ELMO1: variants seen among roughly 807,000 people sequenced by gnomAD.
ELMO1 encodes the protein engulfment and cell motility 1.
In ELMO1, 26 loss-of-function variants were observed where a neutral mutation model predicts 98.9. That is an observed-to-expected ratio of 0.26 (90% CI 0.19 to 0.36). ELMO1 has a LOEUF of 0.36. ELMO1 is among the 10% of genes least tolerant of loss of function. The pLI, the probability that ELMO1 is intolerant of heterozygous loss-of-function variation, is 1.00. For missense variants in ELMO1, 627 were observed against 935.2 expected (o/e 0.67, Z 4.30); for synonymous variants, 346 against 346.0 (o/e 1.00, Z 0.00).
At chr7:37,176,670 T>C (rs981631848) in intron 13 of ELMO1, among the ~76,000 whole-genome samples, 8 of 152,212 alleles carry the variant, frequency 5.3e-5, no homozygotes, top group Admixed American at 2.0e-4. Context: ...TCCCTCCTAT[T>C]ACAATTATTT....
At chr7:37,168,166 T>C (rs1048925311) in intron 13 of ELMO1, among the ~76,000 whole-genome samples, 1 of 152,244 alleles carries the variant, frequency 6.6e-6, no homozygotes, top group Non-Finnish European at 1.5e-5. Context: ...CACGTAGTTC[T>C]CAAACCTTGG....
chr7:36,906,940 G>T (rs954872137), intron 16 of ELMO1, among the ~76,000 whole-genome samples: 1 of 152,068 alleles, frequency 6.6e-6, no homozygotes, highest in Admixed American at 6.6e-5. Flanking sequence ...TTACCCTATT[G>T]CTTTAACAAC....
intron 1 of ELMO1, among the ~76,000 whole-genome samples, chr7:37,396,319 G>A (rs1307740701): frequency 1.3e-5 from 2 of 152,158 alleles, no homozygotes; most frequent in African/African-American, 4.8e-5. Flanking sequence ...GGGAGGCCAA[G>A]ATGGGAGGAT....
intron 1 of ELMO1, among the ~76,000 whole-genome samples, chr7:37,429,015 T>C (rs971198583): frequency 8.8e-5 from 10 of 113,846 alleles, no homozygotes; most frequent in African/African-American, 3.7e-4. Flanking sequence ...GCACACGTAC[T>C]GCAGGTTGTT....
At chr7:37,047,149 G>A (rs916331628) in intron 15 of ELMO1, among the ~76,000 whole-genome samples, 1 of 152,220 alleles carries the variant, frequency 6.6e-6, no homozygotes, top group Non-Finnish European at 1.5e-5. Flanking sequence ...ATAGAGCTAT[G>A]GCTGGCTCAC....
intron 16 of ELMO1, among the ~76,000 whole-genome samples, chr7:36,903,269 G>C (rs879459904): frequency 1.8e-4 from 27 of 152,138 alleles, no homozygotes; most frequent in Non-Finnish European, 3.1e-4. Flanking sequence ...AGGCCTAGAT[G>C]TTACCACCCT....
At chr7:37,323,570 A>C (rs1799633729) in intron 2 of ELMO1, among the ~76,000 whole-genome samples, 1 of 152,134 alleles carries the variant, frequency 6.6e-6, no homozygotes, top group Non-Finnish European at 1.5e-5. Context: ...GGCGCCTGTA[A>C]TCCCAGCTAC....
At chr7:37,369,545 T>C (rs980000180) in intron 1 of ELMO1, among the ~76,000 whole-genome samples, 3 of 151,974 alleles carry the variant, frequency 2.0e-5, no homozygotes, top group Non-Finnish European at 4.4e-5. Flanking sequence ...AACAAAACAA[T>C]TCCAGAGATT....
At chr7:37,385,492 T>C (rs1802762061) in intron 1 of ELMO1, among the ~76,000 whole-genome samples, 1 of 152,154 alleles carries the variant, frequency 6.6e-6, no homozygotes, top group Admixed American at 6.5e-5. Context: ...TAGAGAAGAG[T>C]GATTTGGCTC....
rs192246376 is a variant in ELMO1 at position 37,152,641 on chromosome 7, A to G, written c.1087-19407T>C. 5.4e-3 allele frequency among the ~76,000 whole-genome samples: 829 copies of G among 152,322 alleles called. 5 individuals are homozygous for G. Among genetic ancestry groups the G allele is most frequent in the Non-Finnish European group, 8.8e-3 (596 of 68,020 alleles). ...AGCATTTAGAAATGGTGGGAAGCAT[A>G]CACTCAGATGGCTAACACTCAGCAC... On this transcript the variant is annotated intron_variant, in intron 13 of 21. Coordinates refer to ENST00000310758, the MANE Select transcript of ELMO1 (RefSeq NM_014800.11).
chr7:37,140,052 A>G (rs1787516181), intron 13 of ELMO1, among the ~76,000 whole-genome samples: 3 of 152,148 alleles, frequency 2.0e-5, no homozygotes, highest in Admixed American at 1.3e-4. Context: ...CTCTCAACTT[A>G]CACGAAAATC....
intron 15 of ELMO1, among the ~76,000 whole-genome samples, chr7:37,085,585 G>T (rs1234938467): frequency 1.3e-5 from 2 of 152,066 alleles, no homozygotes; most frequent in Non-Finnish European, 2.9e-5. Flanking sequence ...GACTTTGAAG[G>T]GTATGGCCTG....
intron 13 of ELMO1, among the ~76,000 whole-genome samples, chr7:37,138,616 T>C (rs1463990184): frequency 6.6e-6 from 1 of 152,146 alleles, no homozygotes; most frequent in Non-Finnish European, 1.5e-5. Context: ...CAGGACCAGA[T>C]GGATTCACAG....
chr7:37,301,637 C>T (rs779564544), intron 4 of ELMO1, among the ~76,000 whole-genome samples: 11 of 142,922 alleles, frequency 7.7e-5, no homozygotes, highest in African/African-American at 1.0e-4. Context: ...ATCGTTACTG[C>T]TTTACAAGTG....
intron 16 of ELMO1, among the ~76,000 whole-genome samples, chr7:36,900,824 G>T (rs1278594553): frequency 6.6e-6 from 1 of 152,194 alleles, no homozygotes; most frequent in African/African-American, 2.4e-5. Flanking sequence ...TCATGTGGGG[G>T]AGACTTTATT....
chr7:37,236,822 C>T (rs1032085907), intron 7 of ELMO1, among the ~76,000 whole-genome samples: 1 of 152,116 alleles, frequency 6.6e-6, no homozygotes, highest in African/African-American at 2.4e-5. Flanking sequence ...CTTACTGAAC[C>T]TTGACATAGG....
chr7:37,324,405 G>GA (rs10632648), intron 2 of ELMO1, among the ~76,000 whole-genome samples: 71,617 of 151,794 alleles, frequency 0.47, 17,137 homozygotes, highest in Middle Eastern at 0.65. Context: ...GCATCACCCA[G>GA]AAAAAAAAGG....
Position 37,233,211 on chromosome 7 carries a change from G to A in ELMO1, c.450-17C>T. 1 of 1,604,986 alleles carries A rather than the reference G, an allele frequency of 6.2e-7. No individual in the cohort carries two copies. Among genetic ancestry groups the A allele is most frequent in the African/African-American group, 1.3e-5 (1 of 74,290 alleles). ...TCTCCAAAGCTGAAAAAGACAGAGAGGCACAAGAGTCAAGAGCCCCAAAGC... is the reference window on the plus strand; with the variant it reads ...TCTCCAAAGCTGAAAAAGACAGAGAAGCACAAGAGTCAAGAGCCCCAAAGC... On this transcript the variant is annotated splice_polypyrimidine_tract_variant and intron_variant, in intron 7 of 21. Transcript: ENST00000310758.
intron 6 of ELMO1, among the ~76,000 whole-genome samples, chr7:37,246,684 C>T (rs1369867636): frequency 6.6e-6 from 1 of 152,156 alleles, no homozygotes; most frequent in Non-Finnish European, 1.5e-5. Flanking sequence ...GCGCCTACAA[C>T]ATATCCTTTT....
Sources: allele counts gnomAD v4.1 joint callset (sites outside exome capture counted in the v4.1 genomes callset), GRCh38; gene constraint gnomAD v4.1.1; transcripts MANE v1.5; gene names NCBI Gene and HGNC (gene_info 2026-07-23, HGNC 2026-07-21).